Variants in KLHL1 observed in about 807,000 individuals in gnomAD.
KLHL1 encodes the protein kelch like family member 1.
KLHL1 carries 47 observed loss-of-function variants against 77.7 expected under a neutral mutation model. The ratio of observed to expected loss-of-function variants is 0.60; its 90% CI spans 0.48 to 0.77. The LOEUF (loss-of-function observed/expected upper bound fraction) is 0.77, where lower values mean the gene tolerates loss of function less well. Ranked by LOEUF, KLHL1 falls within the 30% of genes least tolerant of loss-of-function variation. KLHL1 has a pLI of 0.00. For synonymous variants in KLHL1, 360 were observed against 325.2 expected (o/e 1.11, Z -1.15); for missense variants, 925 against 910.8 (o/e 1.02, Z -0.20).
intron 6 of KLHL1, among the ~76,000 whole-genome samples, chr13:69,798,354 T>C (rs1026552505): frequency 1.3e-5 from 2 of 152,210 alleles, no homozygotes; most frequent in African/African-American, 4.8e-5. Flanking sequence ...ATAAACACTT[T>C]CATAACAGAA....
intron 7 of KLHL1, among the ~76,000 whole-genome samples, chr13:69,786,026 C>A (rs147438182): frequency 0.37 from 56,226 of 151,782 alleles, 10,663 homozygotes; most frequent in African/African-American, 0.44. Flanking sequence ...CAGCTTACCC[C>A]CCAAAAAGAG....
chr13:69,874,968 T>C (rs577211820), intron 5 of KLHL1, among the ~76,000 whole-genome samples: 2 of 152,230 alleles, frequency 1.3e-5, no homozygotes, highest in East Asian at 1.9e-4. Context: ...AGGTAAATTG[T>C]TTTTTGTAAT....
At chr13:69,710,132 C>T (rs1008039619) in intron 9 of KLHL1, among the ~76,000 whole-genome samples, 11 of 151,462 alleles carry the variant, frequency 7.3e-5, no homozygotes, top group Admixed American at 2.6e-4. Flanking sequence ...AAACAGCAAA[C>T]GTTAGTGTGC....
At chr13:70,059,039 T>A (rs569953290) in intron 1 of KLHL1, among the ~76,000 whole-genome samples, 1 of 152,050 alleles carries the variant, frequency 6.6e-6, no homozygotes, top group Non-Finnish European at 1.5e-5. Flanking sequence ...CTCCTATCTC[T>A]CACCATATAT....
chr13:70,068,265 C>T (rs1350458181), intron 1 of KLHL1, among the ~76,000 whole-genome samples: 3 of 151,818 alleles, frequency 2.0e-5, no homozygotes, highest in Non-Finnish European at 4.4e-5. Context: ...GGCGTGAACC[C>T]GGGAGGCGGA....
intron 1 of KLHL1, among the ~76,000 whole-genome samples, chr13:70,062,840 G>A (rs948426771): frequency 4.6e-5 from 7 of 152,046 alleles, no homozygotes; most frequent in African/African-American, 1.7e-4. Context: ...TATGAACATA[G>A]TTAACATTTG....
chr13:69,803,088 T>C (rs1249691112), intron 6 of KLHL1: 4 of 152,172 alleles, frequency 2.6e-5, no homozygotes, highest in Non-Finnish European at 5.9e-5. Context: ...TGTATATTAT[T>C]AAGAGCTACT....
chr13:70,060,571 G>A (rs1397721067), intron 1 of KLHL1, among the ~76,000 whole-genome samples: 1 of 151,876 alleles, frequency 6.6e-6, no homozygotes, highest in African/African-American at 2.4e-5. Flanking sequence ...TAGGCCAGGT[G>A]CATGGCTCAT....
At chr13:69,955,344 T>C (rs1404725984) in intron 3 of KLHL1, among the ~76,000 whole-genome samples, 3 of 151,356 alleles carry the variant, frequency 2.0e-5, no homozygotes, top group African/African-American at 4.8e-5. Context: ...TCTTAGCAGG[T>C]ACAAAGACTT....
chr13:70,003,164 C>G (rs60307205), intron 1 of KLHL1, among the ~76,000 whole-genome samples: 1,672 of 151,652 alleles, frequency 0.011, 34 homozygotes, highest in African/African-American at 0.038. Flanking sequence ...TATGAGCATA[C>G]AAACTACAAA....
At chr13:69,984,139 T>G (rs900423014) in intron 1 of KLHL1, among the ~76,000 whole-genome samples, 1 of 152,068 alleles carries the variant, frequency 6.6e-6, no homozygotes, top group Non-Finnish European at 1.5e-5. Context: ...AGAAAACATA[T>G]GTACAAATAG....
rs78712109 is a variant in KLHL1, at chr13:69,868,437, T to C, written c.1227+13846A>G. Among the ~76,000 whole-genome samples the C allele has an allele frequency of 7.7e-3, 1,167 of 152,186 alleles. 26 individuals are homozygous for C. The highest frequency in any genetic ancestry group is 0.027 in the African/African-American group (1,122 of 41,548). On this transcript the variant is annotated intron_variant, in intron 5 of 10. Transcript: ENST00000377844. ...CATACATTTTTTTAGATGATGGTGATAATGAATGTTAAGAGGCTCAGTAAA... is the reference window on the plus strand; with the variant it reads ...CATACATTTTTTTAGATGATGGTGACAATGAATGTTAAGAGGCTCAGTAAA...
intron 8 of KLHL1, among the ~76,000 whole-genome samples, chr13:69,727,543 TA>T (rs1002335608): frequency 1.8e-4 from 27 of 152,004 alleles, no homozygotes; most frequent in African/African-American, 6.5e-4. Context: ...CAGGTGGTTG[TA>T]AGGCAAGTGT....
chr13:70,052,885 T>C (rs1886661093), intron 1 of KLHL1, among the ~76,000 whole-genome samples: 1 of 152,046 alleles, frequency 6.6e-6, no homozygotes, highest in African/African-American at 2.4e-5. Flanking sequence ...AATAATTTAT[T>C]ATTTTATTCC....
intron 5 of KLHL1, among the ~76,000 whole-genome samples, chr13:69,878,598 C>A (rs903329180): frequency 2.0e-5 from 3 of 151,018 alleles, no homozygotes; most frequent in Non-Finnish European, 4.4e-5. Context: ...ATTAAATAAG[C>A]AATATATAAT....
At chr13:69,962,439 A>T (rs150663770) in intron 2 of KLHL1, among the ~76,000 whole-genome samples, 55 of 151,696 alleles carry the variant, frequency 3.6e-4, no homozygotes, top group Non-Finnish European at 6.0e-4. Flanking sequence ...CATTCTGTAT[A>T]ACTCCTCTTC....
At chr13:70,075,414 T>C (rs1391080856) in intron 1 of KLHL1, among the ~76,000 whole-genome samples, 2 of 151,086 alleles carry the variant, frequency 1.3e-5, no homozygotes, top group African/African-American at 2.4e-5. Context: ...CATAATTTTC[T>C]GTATAGAAAA....
chr13:69,870,634 A>T (rs921824776), intron 5 of KLHL1, among the ~76,000 whole-genome samples: 3 of 151,788 alleles, frequency 2.0e-5, no homozygotes, highest in African/African-American at 4.8e-5. Context: ...ACAAAATAAA[A>T]ATATATATAT....
chr13:69,831,019 C>G (rs1465256641), intron 6 of KLHL1, among the ~76,000 whole-genome samples: 1 of 148,670 alleles, frequency 6.7e-6, no homozygotes, highest in African/African-American at 2.5e-5. Context: ...AACAGACAAT[C>G]AAAGATCACA....
Sources: allele counts gnomAD v4.1 joint callset (sites outside exome capture counted in the v4.1 genomes callset), GRCh38; gene constraint gnomAD v4.1.1; transcripts MANE v1.5; gene names NCBI Gene and HGNC (gene_info 2026-07-23, HGNC 2026-07-21).